Variants in BMS1 observed in about 807,000 individuals in gnomAD.
BMS1 encodes ribosome biogenesis protein BMS1 homolog.
A neutral mutation model predicts 138.7 loss-of-function variants in BMS1; 53 were observed. The observed-to-expected ratio is 0.38, with a 90% confidence interval of 0.31 to 0.48. The LOEUF (loss-of-function observed/expected upper bound fraction) is 0.48. Ranked by LOEUF, BMS1 falls within the 20% of genes least tolerant of loss-of-function variation. The probability of loss-of-function intolerance (pLI) is 0.97; values close to 1 mark genes in which losing one functional copy is unlikely to be tolerated. For synonymous variants in BMS1, 504 were observed against 539.9 expected, an observed-to-expected ratio of 0.93 and a Z score of 0.92; for missense variants, 1,360 against 1,565.5, an observed-to-expected ratio of 0.87 and a Z score of 2.22.
intron 15 of BMS1, among the ~76,000 whole-genome samples, chr10:42,818,946 A>T (rs1189118851): frequency 1.3e-5 from 2 of 152,190 alleles, no homozygotes; most frequent in African/African-American, 4.8e-5. Context: ...TGCCATGTTA[A>T]CTACGGTGAA....
At chr10:42,806,903 T>C (rs1842028725) in intron 13 of BMS1, among the ~76,000 whole-genome samples, 1 of 152,214 alleles carries the variant, frequency 6.6e-6, no homozygotes, top group African/African-American at 2.4e-5. Flanking sequence ...AGATCTCCTG[T>C]ATCTTGTACT....
intron 1 of BMS1, among the ~76,000 whole-genome samples, 168 bp downstream of exon 1, chr10:42,782,998 G>A (rs1256222014): frequency 1.3e-5 from 2 of 151,988 alleles, no homozygotes; most frequent in African/African-American, 4.8e-5. Context: ...GGGGTAGTTG[G>A]GTGAGTGACG....
Position 42,802,155 on chromosome 10 carries a change from GA to G in BMS1, c.2267del (p.Asp756ValfsTer4), listed in dbSNP as rs1841891695. The G allele has an allele frequency of 3.1e-6, 5 of 1,613,348 alleles. No homozygotes were observed. The highest frequency in any genetic ancestry group is 4.2e-6 in the Non-Finnish European group (5 of 1,179,646). On this transcript the variant is annotated frameshift_variant, in exon 13 of 23. Transcript: ENST00000374518. LOFTEE classifies it high-confidence loss of function. ...DLEEVMNSIR[D>X]CFVTGKWEDD... Reference sequence around the variant, plus strand: ...GCGTAAGGTTATGAACAGTATCAGAGATTGCTTCGTGACTGGAAAGTGGGAA... The same window carrying G: ...GCGTAAGGTTATGAACAGTATCAGAGTTGCTTCGTGACTGGAAAGTGGGAA...
intron 13 of BMS1, among the ~76,000 whole-genome samples, chr10:42,807,455 G>C (rs551427483): frequency 2.0e-4 from 30 of 152,160 alleles, no homozygotes; most frequent in African/African-American, 7.2e-4. Context: ...ATCAAGCTGG[G>C]TTGTTTACAG....
chr10:42,818,523 G>A (rs574420624), intron 15 of BMS1, among the ~76,000 whole-genome samples: 6 of 152,316 alleles, frequency 3.9e-5, no homozygotes, highest in African/African-American at 1.4e-4. Context: ...GGGTCAGTAG[G>A]ATTTCCTGGT....
chr10:42,798,736 A>T, intron 12 of BMS1, 111 bp downstream of exon 12: 2 of 1,407,664 alleles, frequency 1.4e-6, no homozygotes, highest in Non-Finnish European at 1.9e-6. Flanking sequence ...TTTTTACAGG[A>T]TTACAGGTCA....
At chr10:42,805,413 CTT>C (rs1369087551) in intron 13 of BMS1, among the ~76,000 whole-genome samples, 5 of 152,124 alleles carry the variant, frequency 3.3e-5, no homozygotes, top group African/African-American at 4.8e-5. Context: ...TAGTTTTTAA[CTT>C]TAGGTAGTTT....
At chr10:42,826,911 A>G (rs1842662775) in intron 21 of BMS1, among the ~76,000 whole-genome samples, 1 of 151,746 alleles carries the variant, frequency 6.6e-6, no homozygotes, top group Non-Finnish European at 1.5e-5. Context: ...CTGGGAGGGG[A>G]GGGGCACGGC....
intron 13 of BMS1, among the ~76,000 whole-genome samples, chr10:42,802,571 A>G (rs112636306): frequency 6.6e-6 from 1 of 152,084 alleles, no homozygotes; most frequent in Non-Finnish European, 1.5e-5. Context: ...AATGAAAAGT[A>G]CATAACATAC....
At chr10:42,813,913 T>C (rs1182865294) in intron 13 of BMS1, among the ~76,000 whole-genome samples, 1 of 152,204 alleles carries the variant, frequency 6.6e-6, no homozygotes, top group East Asian at 1.9e-4. Context: ...ACAGTTTTTT[T>C]GTTTGTTGGT....
At chr10:42,815,668 G>A (rs539161697) in intron 13 of BMS1, among the ~76,000 whole-genome samples, 1 of 152,256 alleles carries the variant, frequency 6.6e-6, no homozygotes, top group Non-Finnish European at 1.5e-5. Flanking sequence ...CCCCCAAAGT[G>A]CTGGGTTTAC....
intron 9 of BMS1, among the ~76,000 whole-genome samples, chr10:42,795,402 C>A (rs868437529): frequency 7.2e-5 from 11 of 151,918 alleles, no homozygotes; most frequent in Non-Finnish European, 1.3e-4. Flanking sequence ...TCACTTCAGC[C>A]TTGAACTCCC....
intron 13 of BMS1, among the ~76,000 whole-genome samples, chr10:42,803,053 G>A (rs933512268): frequency 2.0e-5 from 3 of 152,164 alleles, no homozygotes; most frequent in South Asian, 2.1e-4. Context: ...ACAGGATGTC[G>A]CTCTGTTACC....
chr10:42,807,359 GT>G (rs1222113625), intron 13 of BMS1, among the ~76,000 whole-genome samples: 2 of 152,120 alleles, frequency 1.3e-5, no homozygotes, highest in African/African-American at 4.8e-5. Context: ...ATTCAAGTTG[GT>G]GCATATACCA....
At position 42,802,152 on chromosome 10, in the gene BMS1, A is replaced by G. The variant is rs915701171; in HGVS notation, c.2263A>G (p.Arg755Gly). 68 of 1,613,242 alleles carry G rather than the reference A, an allele frequency of 4.2e-5. No homozygotes were observed. The highest frequency in any genetic ancestry group is 5.4e-5 in the Non-Finnish European group (64 of 1,179,556). The change falls in exon 13 of 23, where the codon AGA becomes GGA. Residue 755 changes from arginine (R) to glycine (G), a missense_variant. Transcript: ENST00000374518. ...WDLEEVMNSIRDCFVTGKWED... is the reference protein window; with the variant it reads ...WDLEEVMNSIGDCFVTGKWED... Reference sequence around the variant, plus strand: ...TCTGCGTAAGGTTATGAACAGTATCAGAGATTGCTTCGTGACTGGAAAGTG... The same window carrying G: ...TCTGCGTAAGGTTATGAACAGTATCGGAGATTGCTTCGTGACTGGAAAGTG...
intron 13 of BMS1, among the ~76,000 whole-genome samples, chr10:42,814,307 C>A (rs1163101132): frequency 1.3e-5 from 2 of 152,206 alleles, no homozygotes; most frequent in African/African-American, 4.8e-5. Context: ...ATTGTTTAGA[C>A]TGGGTGAATT....
chr10:42,796,828 G>A lies in BMS1; in HGVS notation c.1584G>A (p.Glu528=), dbSNP rs570821380. The A allele has an allele frequency of 1.9e-6, 3 of 1,614,224 alleles. No homozygotes were observed. The highest frequency in any genetic ancestry group is 4.5e-5 in the East Asian group (2 of 44,888). ...AEEADESSEE[E]DCTAGEKGIS... Reference sequence around the variant, plus strand: ...AAGCTGATGAAAGCAGTGAAGAAGAGGACTGCACTGCAGGAGAGAAGGGCA... The same window carrying A: ...AAGCTGATGAAAGCAGTGAAGAAGAAGACTGCACTGCAGGAGAGAAGGGCA... The change falls in exon 10 of 23, where the codon GAG becomes GAA. Residue 528 remains glutamate, a synonymous_variant. Coordinates refer to ENST00000374518, the MANE Select transcript of BMS1 (RefSeq NM_014753.4).
intron 13 of BMS1, among the ~76,000 whole-genome samples, chr10:42,809,838 T>C (rs1842116408): frequency 6.6e-6 from 1 of 152,126 alleles, no homozygotes; most frequent in Non-Finnish European, 1.5e-5. Flanking sequence ...CAGGCTGGAG[T>C]GCAGTGGTGC....
intron 4 of BMS1, among the ~76,000 whole-genome samples, chr10:42,788,473 C>A: frequency 6.6e-6 from 1 of 152,134 alleles, no homozygotes; most frequent in Non-Finnish European, 1.5e-5. Flanking sequence ...TCCATCACCT[C>A]AAACATTTAT....
Sources: allele counts gnomAD v4.1 joint callset (sites outside exome capture counted in the v4.1 genomes callset), GRCh38; gene constraint gnomAD v4.1.1; transcripts MANE v1.5; gene names NCBI Gene and HGNC (gene_info 2026-07-23, HGNC 2026-07-21).